DUXB: variants seen among roughly 807,000 people sequenced by gnomAD.
The protein encoded by DUXB is double homeobox B.
In DUXB, 22 loss-of-function variants were observed where a neutral mutation model predicts 8.9. That is an observed-to-expected ratio of 2.46 (90% confidence interval 1.76 to 3.52). DUXB has a LOEUF of 3.52. Among genes scored for constraint, DUXB ranks in the 30% most tolerant of loss-of-function variants. The probability of loss-of-function intolerance (pLI) is 0.00; values close to 1 mark genes in which losing one functional copy is unlikely to be tolerated. For synonymous variants in DUXB, 84 were observed against 37.6 expected, an observed-to-expected ratio of 2.23 and a Z score of -4.52; for missense variants, 237 against 108.7, an observed-to-expected ratio of 2.18 and a Z score of -5.25.
In DUXB at chr16:75,700,129, A is replaced by G. The variant is rs768599434; in HGVS notation, c.66T>C (p.Tyr22=). The G allele has an allele frequency of 3.3e-5, 23 of 702,686 alleles. No individual in the cohort carries two copies. The East Asian group carries it at 5.1e-4, about 16-fold the overall frequency. The allele number at this position is 702,686 out of a possible 1,614,324, so 43.5% of individuals were successfully genotyped here. ...QKEFWRNRIQ[Y]NQSQKDILQS... ...GGAGGATATCCTTTTGACTCTGGTT[A>G]TACTGAATTCTGTTTCTCCAGAATT... Residue 22 remains tyrosine (Y), a synonymous_variant, in exon 2 of 5, where the codon TAT becomes TAC. Transcript: ENST00000633875.
intron 4 of DUXB, 141 bp from the exon 5 acceptor site, chr16:75,694,666 G>A (rs1349461320): frequency 6.5e-6 from 4 of 611,744 alleles, no homozygotes; most frequent in Middle Eastern, 3.9e-4. Flanking sequence ...CTGAATCCAT[G>A]GGTTCCATCT....
Position 75,695,979 on chromosome 16 carries a change from C to T in DUXB, c.423G>A (p.Leu141=), listed in dbSNP as rs1184657562. The part of the protein sequence containing the change: ...TRKKLAEQTG[L]QESRIQMWFQ... Reference sequence around the variant, plus strand: ...AACTTACTTGAATTCTTGATTCCTGCAGGCCTGTTTGTTCAGCCAGTTTTT... The same window carrying T: ...AACTTACTTGAATTCTTGATTCCTGTAGGCCTGTTTGTTCAGCCAGTTTTT... The change falls in exon 4 of 5, where the codon CTG becomes CTA. Residue 141 remains leucine (L), a synonymous_variant. Coordinates refer to ENST00000633875, the MANE Select transcript of DUXB (RefSeq NM_001351307.2). 1.4e-6 allele frequency: 1 copy of T among 703,010 alleles called. No individual in the cohort carries two copies. The highest frequency in any genetic ancestry group is 1.5e-5 in the South Asian group (1 of 67,602). The allele number at this position is 703,010 out of a possible 1,614,324, so 43.5% of individuals were successfully genotyped here.
chr16:75,701,023 A>C (rs1959207340), intron 1 of DUXB, among the ~76,000 whole-genome samples: 2 of 152,186 alleles, frequency 1.3e-5, no homozygotes, highest in African/African-American at 4.8e-5. Flanking sequence ...AACTCATGGA[A>C]CAATTGAACA....
At chr16:75,699,096 T>C (rs755321872) in intron 2 of DUXB, among the ~76,000 whole-genome samples, 2 of 152,200 alleles carry the variant, frequency 1.3e-5, no homozygotes, top group Non-Finnish European at 2.9e-5. Context: ...TCTTCCACTC[T>C]CAGCCTCTGA....
chr16:75,697,676 T>C (rs1248582255), intron 2 of DUXB, among the ~76,000 whole-genome samples: 1 of 152,208 alleles, frequency 6.6e-6, no homozygotes, highest in East Asian at 1.9e-4. Flanking sequence ...ACCACTCTTA[T>C]ATCATAGGCA....
intron 2 of DUXB, among the ~76,000 whole-genome samples, chr16:75,698,105 T>C (rs558310988): frequency 2.8e-4 from 43 of 152,346 alleles, no homozygotes; most frequent in Non-Finnish European, 5.4e-4. Flanking sequence ...TAAGAAATCT[T>C]AAGTACAGAT....
At chr16:75,697,818 T>C (rs1329163982) in intron 2 of DUXB, among the ~76,000 whole-genome samples, 1 of 152,166 alleles carries the variant, frequency 6.6e-6, no homozygotes, top group African/African-American at 2.4e-5. Context: ...TCCTGTCAGA[T>C]CAGCTGCTGT....
At chr16:75,697,715 C>T (rs539164720) in intron 2 of DUXB, among the ~76,000 whole-genome samples, 7 of 152,348 alleles carry the variant, frequency 4.6e-5, no homozygotes, top group African/African-American at 1.4e-4. Flanking sequence ...CCTCAACCCC[C>T]GGGCCACAGG....
At chr16:75,696,292 C>T (rs115777257) in intron 3 of DUXB, among the ~76,000 whole-genome samples, 177 bp from the exon 4 acceptor site, 9,252 of 152,310 alleles carry the variant, frequency 0.061, 405 homozygotes, top group African/African-American at 0.12. Context: ...TGGCTTACGC[C>T]TGTAGTCCCA....
chr16:75,700,296 G>A, intron 1 of DUXB, 127 bp from the exon 2 acceptor site: 1 of 539,372 alleles, frequency 1.9e-6, no homozygotes. Context: ...GTGCAGTGAT[G>A]CAGTTTCGGG....
intron 2 of DUXB, chr16:75,698,514 CTTTT>C (rs1959195713): frequency 6.6e-6 from 1 of 152,182 alleles, no homozygotes; most frequent in African/African-American, 2.4e-5. Flanking sequence ...ACAGGTATCT[CTTTT>C]TCTTTCTTTA....
At chr16:75,695,273 C>T (rs2082596470) in intron 4 of DUXB, among the ~76,000 whole-genome samples, 2 of 152,138 alleles carry the variant, frequency 1.3e-5, no homozygotes, top group South Asian at 4.1e-4. Flanking sequence ...AATGGATCAG[C>T]AAAAAAGATC....
Position 75,699,996 on chromosome 16 carries a change from G to A in DUXB, c.180+19C>T. On this transcript the variant is annotated intron_variant, in intron 2 of 4. Transcript: ENST00000633875. ...TACCATGGTTCTGACAGGTAATGAA[G>A]TAGAAATCTAATGCCTACCTGAATA... is the stretch of plus-strand genomic sequence containing the variant. 1.5e-6 allele frequency: 1 copy of A among 687,876 alleles called. No homozygotes were observed. 42.6% of individuals were successfully genotyped at this position (687,876 alleles called of 1,614,324 possible).
chr16:75,701,318 A>G, intron 1 of DUXB, 76 bp downstream of exon 1: 2 of 398,538 alleles, frequency 5.0e-6, no homozygotes, highest in Non-Finnish European at 8.8e-6. Flanking sequence ...TGTGCTATAA[A>G]CTTTGACAAA....
chr16:75,697,798 A>G lies in DUXB; in HGVS notation c.181-855T>C, dbSNP rs111522561. On this transcript the variant is annotated intron_variant, in intron 2 of 4. Transcript: ENST00000633875. ...GAGGGCCAGTGAGCATTACCTGCCT[A>G]AGCTTCGCCTCCTGTCAGATCAGCT... 8.7e-4 allele frequency among the ~76,000 whole-genome samples: 132 copies of G among 152,318 alleles called. 1 individual carries two copies. Among genetic ancestry groups the G allele is most frequent in the African/African-American group, 3.0e-3 (123 of 41,588 alleles).
At position 75,695,955 on chromosome 16, in the gene DUXB, A is replaced by G. The variant is rs753318401; in HGVS notation, c.441+6T>C. The G allele has an allele frequency of 9.5e-5, 67 of 702,758 alleles. 1 individual carries two copies. Among genetic ancestry groups the G allele is most frequent in the South Asian group, 8.9e-4 (60 of 67,596 alleles). The allele number at this position is 702,758 out of a possible 1,614,324, so 43.5% of individuals were successfully genotyped here. A position where few individuals can be genotyped will look rare whatever the true frequency, so the allele number is the denominator to read the frequency against. On this transcript the variant is annotated splice_donor_region_variant and intron_variant, in intron 4 of 4. Coordinates refer to ENST00000633875, the MANE Select transcript of DUXB (RefSeq NM_001351307.2). ...ACATAGTTGGGATCACACACATAGA[A>G]CTTACTTGAATTCTTGATTCCTGCA...
intron 2 of DUXB, among the ~76,000 whole-genome samples, chr16:75,699,593 T>C (rs1959199642): frequency 6.6e-6 from 1 of 151,788 alleles, no homozygotes; most frequent in Admixed American, 6.6e-5. Flanking sequence ...GGAGTCTCGC[T>C]TTGTCTTCCA....
At chr16:75,696,730 T>A in intron 3 of DUXB, 108 bp downstream of exon 3, 2 of 612,038 alleles carry the variant, frequency 3.3e-6, no homozygotes, top group Non-Finnish European at 5.8e-6. Context: ...TTTCTATCTC[T>A]GGTCACCAGG....
At chr16:75,696,808 C>A (rs1343155897) in intron 3 of DUXB, 30 bp downstream of exon 3, 3 of 692,174 alleles carry the variant, frequency 4.3e-6, no homozygotes. Context: ...GCACAACGTA[C>A]TCTCAATGGG....
Sources: gnomAD v4.1 joint callset for allele counts (sites outside exome capture counted in the v4.1 genomes callset) on GRCh38, gnomAD v4.1.1 for gene constraint, MANE v1.5 for transcripts, NCBI Gene and HGNC (gene_info 2026-07-23, HGNC 2026-07-21) for gene names.